The following NXN variants were observed in gnomAD, a reference collection of about 807,000 sequenced individuals.
NXN encodes the protein nucleoredoxin.
Under a neutral mutation model 48.6 loss-of-function variants are expected in NXN, and 16 were observed. That is an observed-to-expected ratio of 0.33 (90% CI 0.22 to 0.50). The LOEUF is 0.50. Among genes scored for constraint, NXN ranks in the 20% least tolerant of loss-of-function variants. The pLI, the probability that NXN is intolerant of heterozygous loss-of-function variation, is 0.98. For synonymous variants in NXN, 281 were observed against 269.6 expected (o/e 1.04, Z -0.41); for missense variants, 492 against 605.5 (o/e 0.81, Z 1.97).
chr17:835,376 T>A (rs1015237675), intron 1 of NXN, among the ~76,000 whole-genome samples: 17 of 150,054 alleles, frequency 1.1e-4, no homozygotes, highest in Non-Finnish European at 1.5e-5. Context: ...TTATGATTAG[T>A]TCATCAAATT....
intron 5 of NXN, among the ~76,000 whole-genome samples, chr17:811,448 A>G (rs943990540): frequency 1.3e-5 from 2 of 152,176 alleles, no homozygotes; most frequent in African/African-American, 4.8e-5. Context: ...TCTCCTTAGA[A>G]AAAGAATTTT....
intron 1 of NXN, among the ~76,000 whole-genome samples, chr17:881,380 C>T (rs977955005): frequency 4.6e-5 from 7 of 152,116 alleles, no homozygotes. Context: ...GGATTAGAAA[C>T]GCGTACCACC....
chr17:970,145 G>A (rs550244364), intron 1 of NXN, among the ~76,000 whole-genome samples: 2 of 152,232 alleles, frequency 1.3e-5, no homozygotes, highest in African/African-American at 2.4e-5. Flanking sequence ...TTTTAATCAC[G>A]GAGGCCACAG....
rs1402535961 is a variant in NXN at position 849,563 on chromosome 17, G to A, written c.361-23485C>T. ...TTCCCAACCAGCGTGCTAGGAGCAG[G>A]CTCCAGGAGGGCACCGCACTGGCCC... On this transcript the variant is annotated intron_variant, in intron 1 of 7. Transcript: ENST00000336868. The surrounding 1 kb of genome is among the most constrained non-coding windows in gnomAD (Gnocchi z 4.2). Among the ~76,000 whole-genome samples the A allele has an allele frequency of 6.6e-6, 1 of 151,870 alleles. No homozygotes were observed.
intron 1 of NXN, among the ~76,000 whole-genome samples, chr17:868,020 A>T (rs1382795955): frequency 1.3e-5 from 2 of 152,028 alleles, no homozygotes; most frequent in African/African-American, 4.8e-5. Context: ...CAGGAGCATG[A>T]CCTATTCCGG....
At chr17:968,891 C>G (rs2069338473) in intron 1 of NXN, among the ~76,000 whole-genome samples, 1 of 150,882 alleles carries the variant, frequency 6.6e-6, no homozygotes, top group Non-Finnish European at 1.5e-5. Flanking sequence ...GAGCTGAGAT[C>G]GTACCACTGC....
intron 5 of NXN, among the ~76,000 whole-genome samples, chr17:807,172 G>C (rs73975537): frequency 2.0e-5 from 3 of 152,264 alleles, no homozygotes; most frequent in Admixed American, 2.0e-4. Context: ...AAGGGAATCC[G>C]GGCCAGGGAC....
intron 1 of NXN, among the ~76,000 whole-genome samples, chr17:903,266 T>C (rs1335267957): frequency 1.3e-5 from 2 of 152,084 alleles, no homozygotes; most frequent in East Asian, 3.9e-4. Flanking sequence ...AGTGCAGTGG[T>C]GCCATCTTGG....
intron 1 of NXN, among the ~76,000 whole-genome samples, chr17:854,903 G>A (rs1404912887): frequency 6.6e-6 from 1 of 151,634 alleles, no homozygotes; most frequent in Non-Finnish European, 1.5e-5. Flanking sequence ...AGGTTGCAGT[G>A]AGCCAAGATC....
chr17:926,236 A>T (rs1426817867), intron 1 of NXN, among the ~76,000 whole-genome samples: 1 of 152,166 alleles, frequency 6.6e-6, no homozygotes, highest in Non-Finnish European at 1.5e-5. Context: ...CCCAGGCCGT[A>T]GTGCAGTGGC....
At chr17:897,928 AC>A (rs2068504689) in intron 1 of NXN, among the ~76,000 whole-genome samples, 1 of 151,940 alleles carries the variant, frequency 6.6e-6, no homozygotes, top group African/African-American at 2.4e-5. Flanking sequence ...TGATCCGCCC[AC>A]CTCGGCCTCC....
At chr17:890,861 G>T (rs1490007732) in intron 1 of NXN, among the ~76,000 whole-genome samples, 1 of 151,986 alleles carries the variant, frequency 6.6e-6, no homozygotes, top group Non-Finnish European at 1.5e-5. Context: ...CCTATCAGGG[G>T]GATAGAATTC....
At position 826,372 on chromosome 17, in the gene NXN, T is replaced by C. The variant is rs576522510; in HGVS notation, c.361-294A>G. Among the ~76,000 whole-genome samples the C allele has an allele frequency of 3.3e-5, 5 of 152,204 alleles. No homozygotes were observed. The East Asian group carries it at 9.7e-4, about 29-fold the overall frequency. ...TGGAGGTGGAGGCTGATGACCCCAC[T>C]GGCCCCCATAGTCTGCAACAGCATA... On this transcript the variant is annotated intron_variant, in intron 1 of 7. Coordinates refer to ENST00000336868, the MANE Select transcript of NXN (RefSeq NM_022463.5).
At position 841,448 on chromosome 17, in the gene NXN, CTGA is replaced by C. The variant is rs1567827532; in HGVS notation, c.361-15373_361-15371del. Among the ~76,000 whole-genome samples the C allele has an allele frequency of 8.9e-4, 115 of 129,290 alleles. 3 individuals are homozygous for C. The highest frequency in any genetic ancestry group is 1.6e-3 in the South Asian group (6 of 3,870). The allele number at this position is 129,290 out of a possible 152,430, so 84.8% of individuals were successfully genotyped here. On this transcript the variant is annotated intron_variant, in intron 1 of 7. Coordinates refer to ENST00000336868, the MANE Select transcript of NXN (RefSeq NM_022463.5). ...ATCTCACACGGGCGAGCAGGTCCCC[CTGA>C]CCACGGCGCATCTCACACGGGCGAG...
Position 979,365 on chromosome 17 carries a change from C to A in NXN, c.314G>T (p.Arg105Leu). 6.5e-7 allele frequency: 1 copy of A among 1,533,644 alleles called. No homozygotes were observed. Residue 105 changes from arginine (R) to leucine (L), a missense_variant, in exon 1 of 8, where the codon CGG becomes CTG. Physicochemically the swap from Arg to Leu is moderately radical, Grantham distance 102. Transcript: ENST00000336868. ...GGGCAGCGCCAGCCACGGCATGTCCCGCACGAAGTCCTGCCACTGCCGCTG... is the reference window on the plus strand; with the variant it reads ...GGGCAGCGCCAGCCACGGCATGTCCAGCACGAAGTCCTGCCACTGCCGCTG... ...QDQRQWQDFV[R>L]DMPWLALPYK...
chr17:853,698 T>TACACACAC (rs1421882050), intron 1 of NXN, among the ~76,000 whole-genome samples: 2 of 128,444 alleles, frequency 1.6e-5, no homozygotes, highest in African/African-American at 6.8e-5. Context: ...ATTTCTGTTA[T>TACACACAC]ACACATATAT....
chr17:843,010 A>AAGAGAGAAAGAG (rs1224931131), intron 1 of NXN, among the ~76,000 whole-genome samples: 354 of 84,870 alleles, frequency 4.2e-3, no homozygotes, highest in Middle Eastern at 0.018. Flanking sequence ...GAAAGAGAGA[A>AAGAGAGAAAGAG]AGAAAGAAAG....
chr17:812,740 G>A lies in NXN; in HGVS notation c.820+6699C>T, dbSNP rs1912174030. Reference sequence around the variant, plus strand: ...AGTGTAGGGTGTGTGAGTGTAGGGTGCGTGAGTGAGAGTGTGCATATGTGT... The same window carrying A: ...AGTGTAGGGTGTGTGAGTGTAGGGTACGTGAGTGAGAGTGTGCATATGTGT... On this transcript the variant is annotated intron_variant, in intron 5 of 7. Coordinates refer to ENST00000336868, the MANE Select transcript of NXN (RefSeq NM_022463.5). Among the ~76,000 whole-genome samples the A allele has an allele frequency of 2.8e-5, 4 of 144,230 alleles. 1 individual carries two copies. The South Asian group carries it at 8.6e-4, about 31-fold the overall frequency. 94.6% of individuals were successfully genotyped at this position (144,230 alleles called of 152,430 possible). A position where few individuals can be genotyped will look rare whatever the true frequency, so the allele number is the denominator to read the frequency against.
rs376548851 is a variant in NXN, at chr17:822,481, C to T, written c.613-24G>A. ...CACTGAAAGACAGGACAGCAAGACC[C>T]GCTGCGTCACGCTGCTTCTCCACCT... On this transcript the variant is annotated intron_variant, in intron 3 of 7. Transcript: ENST00000336868. 7.2e-5 allele frequency: 111 copies of T among 1,531,090 alleles called. No individual in the cohort carries two copies. In the African/African-American group the frequency reaches 1.1e-3, roughly 15 times the overall value. 94.8% of individuals were successfully genotyped at this position (1,531,090 alleles called of 1,614,324 possible).
Sources: gnomAD v4.1 joint callset for allele counts (sites outside exome capture counted in the v4.1 genomes callset) on GRCh38, gnomAD v4.1.1 for gene constraint, Gnocchi (gnomAD v3.1) non-coding constraint, MANE v1.5 for transcripts, NCBI Gene and HGNC (gene_info 2026-07-23, HGNC 2026-07-21) for gene names.